Variants in CNTNAP2 observed in about 807,000 individuals in gnomAD.
CNTNAP2 encodes the protein contactin-associated protein-like 2.
CNTNAP2 carries 98 observed loss-of-function variants against 155.2 expected under a neutral mutation model. That is an observed-to-expected ratio of 0.63 (90% CI 0.54 to 0.75). The LOEUF (loss-of-function observed/expected upper bound fraction) is 0.75, where lower values mean the gene tolerates loss of function less well. Among genes scored for constraint, CNTNAP2 ranks in the 30% least tolerant of loss-of-function variants. The pLI is 0.00. For synonymous variants in CNTNAP2, 651 were observed against 631.2 expected, an observed-to-expected ratio of 1.03 and a Z score of -0.47; for missense variants, 1,727 against 1,688.1, an observed-to-expected ratio of 1.02 and a Z score of -0.40.
At chr7:146,453,845 T>C (rs1255013159) in intron 1 of CNTNAP2, among the ~76,000 whole-genome samples, 1 of 151,922 alleles carries the variant, frequency 6.6e-6, no homozygotes. Flanking sequence ...ACAGAAACCA[T>C]TCAAAAGGAA....
intron 1 of CNTNAP2, among the ~76,000 whole-genome samples, chr7:146,406,656 G>A (rs972734699): frequency 6.6e-6 from 1 of 152,128 alleles, no homozygotes; most frequent in African/African-American, 2.4e-5. Context: ...GGACAAAGGG[G>A]TTTCAGGCTT....
intron 13 of CNTNAP2, among the ~76,000 whole-genome samples, chr7:147,783,560 G>T (rs967796525): frequency 1.1e-4 from 16 of 152,126 alleles, no homozygotes; most frequent in African/African-American, 3.4e-4. Context: ...TCACAGTTCT[G>T]GAGGCCAGAA....
intron 3 of CNTNAP2, among the ~76,000 whole-genome samples, chr7:146,970,310 A>T (rs1011433073): frequency 6.6e-6 from 1 of 152,046 alleles, no homozygotes; most frequent in Non-Finnish European, 1.5e-5. Context: ...CAACCTACTC[A>T]TCTGACAAAG....
At chr7:147,216,919 T>C (rs922889125) in intron 8 of CNTNAP2, among the ~76,000 whole-genome samples, 1 of 152,078 alleles carries the variant, frequency 6.6e-6, no homozygotes, top group Non-Finnish European at 1.5e-5. Flanking sequence ...TTCATAAGCA[T>C]TTCATTTTTG....
chr7:147,828,090 A>G (rs1798488995), intron 13 of CNTNAP2, among the ~76,000 whole-genome samples: 1 of 152,146 alleles, frequency 6.6e-6, no homozygotes, highest in African/African-American at 2.4e-5. Flanking sequence ...AAGAAACTAG[A>G]AAAAAGGGGG....
At chr7:148,397,993 G>A (rs1274602977) in intron 22 of CNTNAP2, among the ~76,000 whole-genome samples, 2 of 152,214 alleles carry the variant, frequency 1.3e-5, no homozygotes, top group East Asian at 3.8e-4. Context: ...CTTCTTGGAA[G>A]AAAATACATT....
chr7:146,223,108 A>G (rs1436958665), intron 1 of CNTNAP2, among the ~76,000 whole-genome samples: 1 of 152,172 alleles, frequency 6.6e-6, no homozygotes, highest in African/African-American at 2.4e-5. Flanking sequence ...ACACATAGAC[A>G]CAAACCCACA....
intron 10 of CNTNAP2, among the ~76,000 whole-genome samples, chr7:147,428,769 T>C (rs1406895145): frequency 9.9e-5 from 15 of 152,164 alleles, no homozygotes; most frequent in African/African-American, 3.4e-4. Context: ...TCTAAGGTTG[T>C]GATTTTGTTG....
At chr7:146,296,545 G>A (rs1283763733) in intron 1 of CNTNAP2, among the ~76,000 whole-genome samples, 1 of 152,152 alleles carries the variant, frequency 6.6e-6, no homozygotes, top group Admixed American at 6.6e-5. Context: ...CCAGGCAGCA[G>A]ACTTCAGGAG....
At chr7:148,140,472 A>C (rs1805041787) in intron 16 of CNTNAP2, among the ~76,000 whole-genome samples, 1 of 142,078 alleles carries the variant, frequency 7.0e-6, no homozygotes, top group South Asian at 2.2e-4. Context: ...CCCAGGCTGG[A>C]GTGTGCAATG....
At chr7:147,235,345 G>GTT (rs1554455461) in intron 8 of CNTNAP2, among the ~76,000 whole-genome samples, 4 of 140,882 alleles carry the variant, frequency 2.8e-5, no homozygotes, top group Non-Finnish European at 6.1e-5. Flanking sequence ...TGGAGTTTTT[G>GTT]GTGTGTGTGT....
At chr7:148,395,797 C>T (rs1399276203) in intron 22 of CNTNAP2, among the ~76,000 whole-genome samples, 1 of 152,160 alleles carries the variant, frequency 6.6e-6, no homozygotes, top group Non-Finnish European at 1.5e-5. Context: ...ACCAGGATCA[C>T]TTAACTCTCT....
intron 22 of CNTNAP2, among the ~76,000 whole-genome samples, chr7:148,398,292 T>C (rs993290831): frequency 1.3e-5 from 2 of 152,204 alleles, no homozygotes; most frequent in African/African-American, 4.8e-5. Context: ...ACCTCACATT[T>C]TGATGAAATA....
At chr7:148,134,070 A>C (rs577358199) in intron 16 of CNTNAP2, among the ~76,000 whole-genome samples, 1 of 152,300 alleles carries the variant, frequency 6.6e-6, no homozygotes, top group South Asian at 2.1e-4. Flanking sequence ...CCCACCGCCT[A>C]TCTGTTAAGA....
chr7:147,474,593 A>C (rs1439756111), intron 10 of CNTNAP2, among the ~76,000 whole-genome samples: 1 of 152,142 alleles, frequency 6.6e-6, no homozygotes, highest in Non-Finnish European at 1.5e-5. Context: ...GAAAAAAAAA[A>C]CAAGAAAAAC....
chr7:147,173,906 G>A (rs1802282822), intron 8 of CNTNAP2, among the ~76,000 whole-genome samples: 1 of 152,138 alleles, frequency 6.6e-6, no homozygotes, highest in Non-Finnish European at 1.5e-5. Context: ...TATACATGGA[G>A]AAAATTTGTT....
chr7:147,074,529 A>G (rs1166783977), intron 4 of CNTNAP2, among the ~76,000 whole-genome samples: 1 of 152,170 alleles, frequency 6.6e-6, no homozygotes, highest in African/African-American at 2.4e-5. Context: ...CTTCATGTTC[A>G]TAATGCAAAA....
At chr7:146,930,020 A>T (rs1796711961) in intron 3 of CNTNAP2, among the ~76,000 whole-genome samples, 2 of 152,164 alleles carry the variant, frequency 1.3e-5, no homozygotes, top group South Asian at 4.1e-4. Context: ...ACTCTGCAGG[A>T]TATTATCCAG....
chr7:148,403,384 T>C (rs546628311), intron 22 of CNTNAP2, among the ~76,000 whole-genome samples: 3 of 152,246 alleles, frequency 2.0e-5, no homozygotes, highest in East Asian at 1.9e-4. Flanking sequence ...GGCACCATGC[T>C]TTGGTGGTTA....
Sources: gnomAD v4.1 joint callset for allele counts (sites outside exome capture counted in the v4.1 genomes callset) on GRCh38, gnomAD v4.1.1 for gene constraint, MANE v1.5 for transcripts, NCBI Gene and HGNC (gene_info 2026-07-23, HGNC 2026-07-21) for gene names.